The following ELMO1 variants were observed in gnomAD, a reference collection of about 807,000 sequenced individuals.
ELMO1 encodes engulfment and cell motility 1, also known as engulfment and cell motility protein 1.
In ELMO1, 26 loss-of-function variants were observed where a neutral mutation model predicts 98.9. The ratio of observed to expected loss-of-function variants is 0.26; its 90% CI spans 0.19 to 0.36. ELMO1 has a LOEUF of 0.36. ELMO1 is among the 10% of genes least tolerant of loss of function. The pLI, the probability that ELMO1 is intolerant of heterozygous loss-of-function variation, is 1.00. For synonymous variants in ELMO1, 346 were observed against 346.0 expected (o/e 1.00, Z 0.00); for missense variants, 627 against 935.2 (o/e 0.67, Z 4.30).
At chr7:36,923,392 T>C (rs912307156) in intron 16 of ELMO1, among the ~76,000 whole-genome samples, 2 of 152,190 alleles carry the variant, frequency 1.3e-5, no homozygotes, top group African/African-American at 4.8e-5. Context: ...AATTTCAGTT[T>C]AAGAAAACAG....
At chr7:36,908,514 G>C (rs115938262) in intron 16 of ELMO1, among the ~76,000 whole-genome samples, 3,588 of 150,412 alleles carry the variant, frequency 0.024, 143 homozygotes, top group African/African-American at 0.083. Flanking sequence ...TTAGAGTTTT[G>C]TTATATAGCA....
intron 13 of ELMO1, among the ~76,000 whole-genome samples, chr7:37,180,356 G>A (rs1459643030): frequency 6.6e-6 from 1 of 151,984 alleles, no homozygotes; most frequent in African/African-American, 2.4e-5. Flanking sequence ...TTGGGAGGGA[G>A]ATGATATATA....
chr7:37,387,558 C>T (rs1364555604), intron 1 of ELMO1, among the ~76,000 whole-genome samples: 1 of 152,126 alleles, frequency 6.6e-6, no homozygotes, highest in Non-Finnish European at 1.5e-5. Flanking sequence ...AACAAGGAAA[C>T]ATTCTAAGGG....
At chr7:36,913,794 T>C (rs1470340430) in intron 16 of ELMO1, among the ~76,000 whole-genome samples, 1 of 152,208 alleles carries the variant, frequency 6.6e-6, no homozygotes, top group Non-Finnish European at 1.5e-5. Context: ...ATCTACTGAC[T>C]TGTGCTGATA....
At chr7:37,367,340 C>T (rs1801945232) in intron 1 of ELMO1, among the ~76,000 whole-genome samples, 1 of 152,172 alleles carries the variant, frequency 6.6e-6, no homozygotes, top group African/African-American at 2.4e-5. Flanking sequence ...TGTTACACAC[C>T]GGTCTATGTG....
At chr7:37,421,978 A>G (rs1240165529) in intron 1 of ELMO1, among the ~76,000 whole-genome samples, 2 of 152,130 alleles carry the variant, frequency 1.3e-5, no homozygotes, top group East Asian at 3.9e-4. Context: ...AAATGTAGAC[A>G]AGGGGTGCCT....
intron 8 of ELMO1, among the ~76,000 whole-genome samples, chr7:37,229,809 T>C (rs1464585256): frequency 1.3e-5 from 2 of 152,260 alleles, no homozygotes; most frequent in Non-Finnish European, 2.9e-5. Flanking sequence ...AATGAGGACA[T>C]GAAATAGATT....
intron 15 of ELMO1, among the ~76,000 whole-genome samples, chr7:37,091,826 C>G (rs1465880631): frequency 1.3e-5 from 2 of 152,154 alleles, no homozygotes; most frequent in African/African-American, 4.8e-5. Flanking sequence ...GCAGGCAAGA[C>G]AGAATGAGAA....
At chr7:37,447,645 CCACA>C (rs553791761) in intron 1 of ELMO1, among the ~76,000 whole-genome samples, 2 of 149,388 alleles carry the variant, frequency 1.3e-5, no homozygotes, top group Admixed American at 6.6e-5. Flanking sequence ...AACACCCCCC[CCACA>C]CACACACACT....
chr7:37,144,804 G>A (rs1787878219), intron 13 of ELMO1, among the ~76,000 whole-genome samples: 1 of 152,048 alleles, frequency 6.6e-6, no homozygotes, highest in Admixed American at 6.5e-5. Flanking sequence ...GCGCTGTTTG[G>A]GTATCTAGTC....
At chr7:36,980,804 G>T (rs1790985252) in intron 16 of ELMO1, among the ~76,000 whole-genome samples, 1 of 152,206 alleles carries the variant, frequency 6.6e-6, no homozygotes, top group South Asian at 2.1e-4. Context: ...ATTAGGCCTT[G>T]GCTTGGCTGA....
chr7:37,244,276 T>A, intron 7 of ELMO1, 80 bp downstream of exon 7: 1 of 1,418,380 alleles, frequency 7.1e-7, no homozygotes, highest in South Asian at 1.3e-5. Flanking sequence ...AGTTATACAA[T>A]CAGTCAGATG....
rs149343600 is a variant in ELMO1, at chr7:37,193,496, C to T, written c.1086+17890G>A. 1.5e-3 allele frequency among the ~76,000 whole-genome samples: 226 copies of T among 152,270 alleles called. 1 individual carries two copies. Among genetic ancestry groups the T allele is most frequent in the African/African-American group, 5.3e-3 (219 of 41,540 alleles). ...CCCCTCGGGTTAAGGAGGTGCTCTG[C>T]CAGGGGTTATCAGAGAGTGACACGG... On this transcript the variant is annotated intron_variant, in intron 13 of 21. Coordinates refer to ENST00000310758, the MANE Select transcript of ELMO1 (RefSeq NM_014800.11).
At chr7:36,940,102 A>G (rs1241122180) in intron 16 of ELMO1, among the ~76,000 whole-genome samples, 2 of 152,202 alleles carry the variant, frequency 1.3e-5, no homozygotes, top group Non-Finnish European at 2.9e-5. Flanking sequence ...CCCTAACCCC[A>G]TTAGCAGCTG....
intron 18 of ELMO1, among the ~76,000 whole-genome samples, chr7:36,881,300 T>A (rs1804432466): frequency 6.6e-6 from 1 of 152,190 alleles, no homozygotes; most frequent in Admixed American, 6.5e-5. Flanking sequence ...AAGGATAGCA[T>A]CAGCACAGTG....
intron 1 of ELMO1, among the ~76,000 whole-genome samples, chr7:37,406,338 C>A: frequency 6.6e-6 from 1 of 150,454 alleles, no homozygotes; most frequent in African/African-American, 2.4e-5. Context: ...TTGGATGAGA[C>A]ACTGAACTCA....
In ELMO1 at chr7:37,001,727, G is replaced by A. The variant is rs567884594; in HGVS notation, c.1437+11572C>T. Among the ~76,000 whole-genome samples the A allele has an allele frequency of 9.8e-5, 15 of 152,320 alleles. No individual in the cohort carries two copies. In the South Asian group the frequency reaches 3.1e-3, roughly 32 times the overall value. On this transcript the variant is annotated intron_variant, in intron 16 of 21. Transcript: ENST00000310758. ...GTTTCTGGTAGAGGGAATGAGACATGAAAATGCAATTGCACGTACAAGAGC... is the reference window on the plus strand; with the variant it reads ...GTTTCTGGTAGAGGGAATGAGACATAAAAATGCAATTGCACGTACAAGAGC...
intron 13 of ELMO1, among the ~76,000 whole-genome samples, chr7:37,181,750 G>A (rs868693006): frequency 1.3e-5 from 2 of 152,276 alleles, no homozygotes. Flanking sequence ...CCTAAACTGA[G>A]GTTTGATTGC....
chr7:37,400,846 A>G (rs911021748), intron 1 of ELMO1, among the ~76,000 whole-genome samples: 11 of 152,204 alleles, frequency 7.2e-5, no homozygotes, highest in Non-Finnish European at 1.6e-4. Context: ...TTTAGGACAG[A>G]AGAAAAAACA....
Sources: allele counts gnomAD v4.1 joint callset (sites outside exome capture counted in the v4.1 genomes callset), GRCh38; gene constraint gnomAD v4.1.1; transcripts MANE v1.5; gene names NCBI Gene and HGNC (gene_info 2026-07-23, HGNC 2026-07-21).